The following SYNPR variants were observed in gnomAD, a reference collection of about 807,000 sequenced individuals.
The protein encoded by SYNPR is synaptoporin.
In SYNPR, 23 loss-of-function variants were observed where a neutral mutation model predicts 32.9. The ratio of observed to expected loss-of-function variants is 0.70; its 90% CI spans 0.50 to 0.99. SYNPR has a LOEUF of 0.99. Among genes scored for constraint, SYNPR ranks in the 50% least tolerant of loss-of-function variants. The pLI is 0.00. For synonymous variants in SYNPR, 146 were observed against 135.9 expected (o/e 1.07, Z -0.52); for missense variants, 318 against 349.3 (o/e 0.91, Z 0.71).
chr3:63,568,833 AT>A (rs1353181927), intron 4 of SYNPR, among the ~76,000 whole-genome samples: 16 of 152,162 alleles, frequency 1.1e-4, no homozygotes, highest in Admixed American at 8.5e-4. Flanking sequence ...CAGTGGCTGA[AT>A]TTCCTCATGT....
At chr3:63,343,504 C>G (rs66667790) in intron 2 of SYNPR, among the ~76,000 whole-genome samples, 34,639 of 152,048 alleles carry the variant, frequency 0.23, 4,219 homozygotes, top group South Asian at 0.39. Context: ...GGTCCTGCCT[C>G]TATCCATGTT....
chr3:63,228,393 C>G (rs1351110210), intron 1 of SYNPR: 3 of 152,168 alleles, frequency 2.0e-5, no homozygotes, highest in African/African-American at 7.2e-5. Context: ...AAGGAATTAT[C>G]TTCATTTTAC....
At chr3:63,552,281 G>T (rs2106822468) in intron 3 of SYNPR, among the ~76,000 whole-genome samples, 1 of 152,188 alleles carries the variant, frequency 6.6e-6, no homozygotes, top group African/African-American at 2.4e-5. Flanking sequence ...GAAAAAGTGT[G>T]TATTATCTGA....
At chr3:63,564,688 G>C (rs1030922141) in intron 4 of SYNPR, among the ~76,000 whole-genome samples, 8 of 152,032 alleles carry the variant, frequency 5.3e-5, no homozygotes, top group African/African-American at 1.9e-4. Context: ...AAATTTTCCC[G>C]GTGTGCTTTC....
chr3:63,462,913 T>C (rs921515560), intron 2 of SYNPR, among the ~76,000 whole-genome samples: 2 of 152,152 alleles, frequency 1.3e-5, no homozygotes, highest in Non-Finnish European at 2.9e-5. Context: ...TGTGTGAACA[T>C]ACAGGCCCTG....
At chr3:63,335,221 C>T (rs1424248086) in intron 2 of SYNPR, among the ~76,000 whole-genome samples, 10 of 151,914 alleles carry the variant, frequency 6.6e-5, no homozygotes, top group Admixed American at 1.3e-4. Context: ...GGCGTGGTGG[C>T]GGGTGCCTGT....
At chr3:63,582,773 C>T (rs1026232157) in intron 4 of SYNPR, among the ~76,000 whole-genome samples, 33 of 152,028 alleles carry the variant, frequency 2.2e-4, no homozygotes, top group Non-Finnish European at 1.5e-4. Flanking sequence ...ATTTGTGCCC[C>T]GGTTCTACCA....
intron 2 of SYNPR, among the ~76,000 whole-genome samples, chr3:63,418,519 T>G (rs763028250): frequency 1.1e-4 from 17 of 152,218 alleles, no homozygotes; most frequent in Non-Finnish European, 2.4e-4. Context: ...TACTGTATTA[T>G]TCTGTTTTCA....
intron 4 of SYNPR, among the ~76,000 whole-genome samples, chr3:63,604,089 A>T (rs1434704909): frequency 6.6e-6 from 1 of 152,048 alleles, no homozygotes; most frequent in Non-Finnish European, 1.5e-5. Context: ...AATTTCCAGG[A>T]ATTTGTCCAT....
chr3:63,273,118 G>C (rs530043923), intron 3 of SYNPR, among the ~76,000 whole-genome samples: 1 of 152,308 alleles, frequency 6.6e-6, no homozygotes, highest in South Asian at 2.1e-4. Context: ...AATACTAGCA[G>C]TAGTTGTAGA....
chr3:63,280,064 C>T (rs4688384), intron 2 of SYNPR, among the ~76,000 whole-genome samples: 97,046 of 152,010 alleles, frequency 0.64, 31,482 homozygotes, highest in South Asian at 0.73. Flanking sequence ...AAGTAGTGGC[C>T]TTTAGGGAAG....
intron 2 of SYNPR, among the ~76,000 whole-genome samples, chr3:63,302,549 A>G (rs945650547): frequency 2.0e-5 from 3 of 151,996 alleles, no homozygotes; most frequent in East Asian, 1.9e-4. Flanking sequence ...CTTTAATTCA[A>G]TGGTCTTCAA....
chr3:63,279,504 G>A lies in SYNPR; in HGVS notation c.84+762G>A, dbSNP rs570618472. On this transcript the variant is annotated intron_variant, in intron 2 of 5. Transcript: ENST00000478300. ...TTGCAATTTGTCTATGGGCAGAGGA[G>A]TGAGGCACAGAAACGGTTACCCACA... Among the ~76,000 whole-genome samples, 6 of 152,308 alleles carry A rather than the reference G, an allele frequency of 3.9e-5. No homozygotes were observed. The South Asian group carries it at 6.2e-4, about 16-fold the overall frequency.
chr3:63,385,023 C>A (rs919743809), intron 2 of SYNPR, among the ~76,000 whole-genome samples: 2 of 152,108 alleles, frequency 1.3e-5, no homozygotes, highest in Non-Finnish European at 2.9e-5. Flanking sequence ...GGCCTCAGCT[C>A]TTACAACTAC....
chr3:63,473,652 C>A (rs1267923378), intron 2 of SYNPR, among the ~76,000 whole-genome samples: 1 of 151,938 alleles, frequency 6.6e-6, no homozygotes, highest in Non-Finnish European at 1.5e-5. Context: ...AATGAGGAAG[C>A]CTAGTTAGTG....
At chr3:63,387,283 G>T (rs962862720) in intron 2 of SYNPR, among the ~76,000 whole-genome samples, 5 of 152,032 alleles carry the variant, frequency 3.3e-5, no homozygotes, top group African/African-American at 4.8e-5. Context: ...TTTAAATAAA[G>T]GTAAGTGTTT....
chr3:63,466,493 G>A (rs1326832423), intron 2 of SYNPR, among the ~76,000 whole-genome samples: 1 of 151,446 alleles, frequency 6.6e-6, no homozygotes, highest in South Asian at 2.1e-4. Flanking sequence ...TTCATTATTG[G>A]TGTGGTCATC....
chr3:63,443,076 C>G, intron 2 of SYNPR: 1 of 1,031,080 alleles, frequency 9.7e-7, no homozygotes, highest in Non-Finnish European at 1.2e-6. Context: ...CCTGCTCGTG[C>G]AAAGCAGTCC....
chr3:63,341,296 A>G (rs1299087567), intron 2 of SYNPR, among the ~76,000 whole-genome samples: 13 of 152,200 alleles, frequency 8.5e-5, no homozygotes, highest in Non-Finnish European at 4.4e-5. Context: ...CTATTGAAGG[A>G]CATCTTGTTT....
Sources: gnomAD v4.1 joint callset for allele counts (sites outside exome capture counted in the v4.1 genomes callset) on GRCh38, gnomAD v4.1.1 for gene constraint, MANE v1.5 for transcripts, NCBI Gene and HGNC (gene_info 2026-07-23, HGNC 2026-07-21) for gene names.